FAM20C: variants seen among roughly 807,000 people sequenced by gnomAD.
The protein encoded by FAM20C is extracellular serine/threonine protein kinase FAM20C.
Under a neutral mutation model 51.5 loss-of-function variants are expected in FAM20C, and 40 were observed. The observed-to-expected ratio is 0.78, with a 90% CI of 0.60 to 1.01. FAM20C has a LOEUF of 1.01. Among genes scored for constraint, FAM20C ranks in the 50% least tolerant of loss-of-function variants. The pLI, the probability that FAM20C is intolerant of heterozygous loss-of-function variation, is 0.00. For synonymous variants in FAM20C, 406 were observed against 380.6 expected, an observed-to-expected ratio of 1.07 and a Z score of -0.78; for missense variants, 861 against 844.7, an observed-to-expected ratio of 1.02 and a Z score of -0.24.
chr7:193,891 G>GC (rs1785719933), intron 1 of FAM20C, 87 bp downstream of exon 1: 2 of 1,442,990 alleles, frequency 1.4e-6, no homozygotes, highest in Middle Eastern at 2.3e-4. Context: ...CCAGAGGGCC[G>GC]CCCCCCATGG....
chr7:228,316 T>G, intron 3 of FAM20C: 1 of 377,246 alleles, frequency 2.7e-6, no homozygotes, highest in South Asian at 1.9e-5. Flanking sequence ...AGAAGGCAGG[T>G]TCATTGGAAA....
chr7:258,868 G>A (rs527549358), intron 9 of FAM20C, among the ~76,000 whole-genome samples, 163 bp downstream of exon 9: 30 of 151,960 alleles, frequency 2.0e-4, no homozygotes, highest in South Asian at 4.2e-4. Flanking sequence ...CTCACTCGGC[G>A]GCCTGGAGGC....
At chr7:209,725 C>T (rs116603990) in intron 3 of FAM20C, among the ~76,000 whole-genome samples, 1,931 of 152,344 alleles carry the variant, frequency 0.013, 45 homozygotes, top group African/African-American at 0.044. Context: ...TCTTGGCCAT[C>T]TGGCCTGATT....
At position 193,131 on chromosome 7, in the gene FAM20C, C is replaced by A; in HGVS notation, c.-69C>A. On this transcript the variant is annotated 5_prime_UTR_variant, in exon 1 of 10. Transcript: ENST00000313766. ...TTGACCCGCGAGGCGGCGCCGCGCT[C>A]GTGCCCAGCTGCAGCTAGAGGGGCG... is the stretch of plus-strand genomic sequence containing the variant. The A allele has an allele frequency of 4.5e-6, 6 of 1,338,256 alleles. No homozygotes were observed. Among genetic ancestry groups the A allele is most frequent in the Non-Finnish European group, 4.9e-6 (5 of 1,029,182 alleles). 82.9% of individuals were successfully genotyped at this position (1,338,256 alleles called of 1,614,324 possible).
intron 3 of FAM20C, chr7:228,304 G>A (rs993926322): frequency 8.1e-6 from 3 of 372,316 alleles, no homozygotes; most frequent in Non-Finnish European, 1.6e-5. Context: ...CATGGGTTCC[G>A]AAGAAGGCAG....
intron 2 of FAM20C, chr7:197,685 G>T (rs1168607205): frequency 6.6e-6 from 1 of 152,272 alleles, no homozygotes; most frequent in East Asian, 1.9e-4. Context: ...AGGGCTTTGT[G>T]GATTCCAAAG....
chr7:228,537 G>A, intron 3 of FAM20C: 1 of 456,224 alleles, frequency 2.2e-6, no homozygotes, highest in Non-Finnish European at 4.4e-6. Flanking sequence ...TGGGGGCTGT[G>A]GAGGGTGGAA....
intron 3 of FAM20C, among the ~76,000 whole-genome samples, chr7:223,850 ACT>A (rs35862081): frequency 0.095 from 14,507 of 152,142 alleles, 1,437 homozygotes; most frequent in African/African-American, 0.24. Flanking sequence ...CTTTCGAGAG[ACT>A]CTATGGGGTC....
intron 3 of FAM20C, 131 bp downstream of exon 3, chr7:209,107 A>C: frequency 2.3e-6 from 2 of 864,410 alleles, no homozygotes; most frequent in East Asian, 2.7e-5. Flanking sequence ...ACCACTCTCA[A>C]CTCTCCCCGT....
chr7:218,167 T>C (rs1487946672), intron 3 of FAM20C, among the ~76,000 whole-genome samples: 1 of 152,196 alleles, frequency 6.6e-6, no homozygotes, highest in Non-Finnish European at 1.5e-5. Flanking sequence ...GCCACAGCGT[T>C]CACCCGGCAG....
At position 246,428 on chromosome 7, in the gene FAM20C, C is replaced by G. The variant is rs1362536071; in HGVS notation, c.877C>G (p.Gln293Glu). The G allele has an allele frequency of 5.6e-6, 8 of 1,420,070 alleles. No homozygotes were observed. In the East Asian group the frequency reaches 1.7e-4, roughly 31 times the overall value. 88.0% of individuals were successfully genotyped at this position (1,420,070 alleles called of 1,614,324 possible). ...TTGTTTTCTCAGACAAACGAGGGAG[C>G]AGGAGACACCCCCTGACTTTTTTTA... ...LFKPMKQTREQETPPDFFYFS... is the reference protein window; with the variant it reads ...LFKPMKQTREEETPPDFFYFS... The change falls in exon 4 of 10, where the codon CAG becomes GAG. Residue 293 changes from glutamine (Q) to glutamate (E), a missense_variant. Physicochemically the swap from Gln to Glu is conservative, Grantham distance 29. Coordinates refer to ENST00000313766, the MANE Select transcript of FAM20C (RefSeq NM_020223.4).
intron 3 of FAM20C, among the ~76,000 whole-genome samples, chr7:217,384 G>GGGCTCC (rs1787032620): frequency 6.6e-6 from 1 of 151,692 alleles, no homozygotes; most frequent in African/African-American, 2.4e-5. Flanking sequence ...GGCTGTGGGT[G>GGGCTCC]AGCTCCAGCC....
At position 195,578 on chromosome 7, in the gene FAM20C, A is replaced by G. The variant is rs1329786830; in HGVS notation, c.630A>G (p.Ala210=). ...GGCCGCATGCGGGTGCTGAAGGTGC[A>G]GAATTCCTCTCCCCCGGGGAGGCGG... ...PDWPHAGAEG[A]EFLSPGEAAV... is the part of the protein sequence containing the mutation. Residue 210 remains alanine (A), a synonymous_variant, in exon 2 of 10, where the codon GCA becomes GCG. Transcript: ENST00000313766. 2 of 1,594,610 alleles carry G rather than the reference A, an allele frequency of 1.3e-6. No individual in the cohort carries two copies. The highest frequency in any genetic ancestry group is 2.3e-5 in the East Asian group (1 of 43,634).
intron 3 of FAM20C, among the ~76,000 whole-genome samples, chr7:236,170 T>C (rs1389610744): frequency 2.0e-5 from 3 of 151,960 alleles, no homozygotes; most frequent in Non-Finnish European, 4.4e-5. Context: ...CAGCATCCCC[T>C]CCTGATCCCT....
chr7:260,150 TG>T lies in FAM20C; in HGVS notation c.*171del. ...TCCCCAGGTCTCATAGGACACATTT[TG>T]TCAGTGTTTGACCAGAAAAGCTTGG... On this transcript the variant is annotated 3_prime_UTR_variant, in exon 10 of 10. Coordinates refer to ENST00000313766, the MANE Select transcript of FAM20C (RefSeq NM_020223.4). 1 of 928,442 alleles carries T rather than the reference TG, an allele frequency of 1.1e-6. No homozygotes were observed. Among genetic ancestry groups the T allele is most frequent in the Non-Finnish European group, 1.5e-6 (1 of 670,564 alleles). The allele number at this position is 928,442 out of a possible 1,614,324, so 57.5% of individuals were successfully genotyped here. A position where few individuals can be genotyped will look rare whatever the true frequency, so the allele number is the denominator to read the frequency against.
intron 3 of FAM20C, among the ~76,000 whole-genome samples, chr7:210,528 G>A (rs572635225): frequency 2.3e-4 from 35 of 152,236 alleles, no homozygotes; most frequent in African/African-American, 7.9e-4. Context: ...GCTGAATGGC[G>A]GCGTCTTCAT....
chr7:258,796 G>A (rs531352432), intron 9 of FAM20C, 91 bp downstream of exon 9: 103 of 1,220,604 alleles, frequency 8.4e-5, no homozygotes, highest in East Asian at 1.9e-4. Context: ...ACCCCACCCC[G>A]GCCATCACAT....
intron 3 of FAM20C, among the ~76,000 whole-genome samples, chr7:220,023 T>C (rs28455841): frequency 0.1 from 15,442 of 152,076 alleles, 910 homozygotes; most frequent in East Asian, 0.21. Flanking sequence ...CCAAGCCCGC[T>C]CCTCACCCTG....
chr7:195,756 G>A, intron 2 of FAM20C, 24 bp downstream of exon 2: 1 of 1,546,528 alleles, frequency 6.5e-7, no homozygotes, highest in Non-Finnish European at 8.8e-7. Flanking sequence ...GGTGCACTCA[G>A]GGCCGTCTGT....
Sources: gnomAD v4.1 joint callset for allele counts (sites outside exome capture counted in the v4.1 genomes callset) on GRCh38, gnomAD v4.1.1 for gene constraint, MANE v1.5 for transcripts, NCBI Gene and HGNC (gene_info 2026-07-23, HGNC 2026-07-21) for gene names.